SVOPL: variants seen among roughly 807,000 people sequenced by gnomAD.
The protein encoded by SVOPL is putative transporter SVOPL.
SVOPL carries 60 observed loss-of-function variants against 61.0 expected under a neutral mutation model. The observed-to-expected ratio is 0.98, with a 90% CI of 0.80 to 1.22. SVOPL has a LOEUF of 1.22. Ranked by LOEUF, SVOPL falls within the 50% of genes most tolerant of loss-of-function variation. The probability of loss-of-function intolerance (pLI) is 0.00; values close to 1 mark genes in which losing one functional copy is unlikely to be tolerated. For synonymous variants in SVOPL, 279 were observed against 250.0 expected, an observed-to-expected ratio of 1.12 and a Z score of -1.09; for missense variants, 662 against 643.9, an observed-to-expected ratio of 1.03 and a Z score of -0.30.
intron 14 of SVOPL, among the ~76,000 whole-genome samples, chr7:138,612,430 A>AAAAAAAAAAAAAAAAAAAG (rs1799085491): frequency 5.8e-5 from 1 of 17,378 alleles, no homozygotes; most frequent in African/African-American, 1.2e-4. Context: ...AAAATAAAAT[A>AAAAAAAAAAAAAAAAAAAG]AAAAATAAAA....
At chr7:138,629,718 C>T (rs938241969) in intron 10 of SVOPL, among the ~76,000 whole-genome samples, 1 of 152,152 alleles carries the variant, frequency 6.6e-6, no homozygotes, top group Non-Finnish European at 1.5e-5. Context: ...TGCCACTGGA[C>T]TCGATGATTG....
chr7:138,693,826 A>C (rs1055089041), intron 1 of SVOPL, among the ~76,000 whole-genome samples: 2 of 152,018 alleles, frequency 1.3e-5, no homozygotes, highest in African/African-American at 4.8e-5. Context: ...TCAACAAAAA[A>C]ATTTATAAAT....
At chr7:138,597,060 A>C (rs1319880627) in intron 14 of SVOPL, 2 of 1,159,204 alleles carry the variant, frequency 1.7e-6, no homozygotes, top group South Asian at 1.9e-5. Context: ...CTTTGGTGTC[A>C]ATTTTTCCAC....
intron 9 of SVOPL, among the ~76,000 whole-genome samples, chr7:138,639,122 G>A (rs976587119): frequency 2.2e-4 from 34 of 152,066 alleles, no homozygotes; most frequent in Non-Finnish European, 5.0e-4. Context: ...GGGCATGGTG[G>A]CATATGCCTG....
intron 1 of SVOPL, among the ~76,000 whole-genome samples, chr7:138,685,555 C>A (rs1024660279): frequency 2.6e-5 from 4 of 152,086 alleles, no homozygotes; most frequent in African/African-American, 9.7e-5. Flanking sequence ...TGGTATCATG[C>A]GCTTAAAATT....
At chr7:138,630,563 A>G (rs1230930240) in intron 9 of SVOPL, among the ~76,000 whole-genome samples, 2 of 152,184 alleles carry the variant, frequency 1.3e-5, no homozygotes, top group Non-Finnish European at 2.9e-5. Context: ...AAAGGAGAGA[A>G]CGCCTAATTT....
At chr7:138,693,577 A>G (rs200955182) in intron 1 of SVOPL, among the ~76,000 whole-genome samples, 61 of 76,078 alleles carry the variant, frequency 8.0e-4, no homozygotes, top group South Asian at 2.0e-3. Context: ...AAGAAAGAAA[A>G]AAGGAAAGAA....
At chr7:138,636,218 G>A (rs895520420) in intron 9 of SVOPL, among the ~76,000 whole-genome samples, 2 of 151,892 alleles carry the variant, frequency 1.3e-5, no homozygotes, top group African/African-American at 4.8e-5. Context: ...ATGAGCCACT[G>A]GGCCCGGCTG....
chr7:138,603,264 T>G (rs1445562777), intron 14 of SVOPL, among the ~76,000 whole-genome samples: 1 of 152,062 alleles, frequency 6.6e-6, no homozygotes, highest in Non-Finnish European at 1.5e-5. Context: ...TTTGGGGAGG[T>G]CTTGTGATTT....
intron 1 of SVOPL, chr7:138,689,329 T>C (rs184305976): frequency 1.3e-6 from 2 of 1,591,840 alleles, no homozygotes; most frequent in Non-Finnish European, 1.7e-6. Context: ...ATTGAGCATA[T>C]CCAAGTGAAC....
chr7:138,612,564 G>A (rs1252647755), intron 14 of SVOPL, among the ~76,000 whole-genome samples: 1 of 148,030 alleles, frequency 6.8e-6, no homozygotes, highest in Admixed American at 6.7e-5. Context: ...CGCCCAGGCT[G>A]GAGTATAGTG....
intron 1 of SVOPL, among the ~76,000 whole-genome samples, chr7:138,682,963 C>A: frequency 1.0e-5 from 1 of 97,078 alleles, no homozygotes; most frequent in Non-Finnish European, 1.9e-5. Flanking sequence ...AGCAAAACTC[C>A]ATCTCAAAAA....
At chr7:138,618,412 G>C (rs1395945604) in intron 14 of SVOPL, among the ~76,000 whole-genome samples, 1 of 151,936 alleles carries the variant, frequency 6.6e-6, no homozygotes, top group Non-Finnish European at 1.5e-5. Flanking sequence ...TGTAATCCCA[G>C]CACTTTGGGA....
At chr7:138,602,645 C>A (rs1435709367) in intron 14 of SVOPL, among the ~76,000 whole-genome samples, 1 of 152,064 alleles carries the variant, frequency 6.6e-6, no homozygotes, top group Non-Finnish European at 1.5e-5. Context: ...ATGAGAAAGC[C>A]TGAGTGCTCC....
At chr7:138,683,335 C>A (rs1173522535) in intron 1 of SVOPL, among the ~76,000 whole-genome samples, 3 of 151,878 alleles carry the variant, frequency 2.0e-5, no homozygotes, top group Non-Finnish European at 4.4e-5. Context: ...GTAGTATTTT[C>A]CAAAATAAAT....
chr7:138,679,931 G>C (rs1802662629), intron 1 of SVOPL, among the ~76,000 whole-genome samples: 1 of 152,098 alleles, frequency 6.6e-6, no homozygotes, highest in African/African-American at 2.4e-5. Flanking sequence ...GAAATGGAGA[G>C]ACTAAATGGC....
intron 9 of SVOPL, among the ~76,000 whole-genome samples, chr7:138,637,436 A>G (rs1398624454): frequency 3.2e-5 from 1 of 31,020 alleles, no homozygotes; most frequent in Non-Finnish European, 5.3e-5. Flanking sequence ...TCATATATAT[A>G]TATATAGATA....
chr7:138,660,688 C>G, intron 5 of SVOPL: 1 of 985,312 alleles, frequency 1.0e-6, no homozygotes, highest in Non-Finnish European at 1.2e-6. Flanking sequence ...CTTTAGCAAG[C>G]TAGATTTCTG....
intron 11 of SVOPL, among the ~76,000 whole-genome samples, chr7:138,627,787 TC>T (rs1400471210): frequency 6.6e-6 from 1 of 152,224 alleles, no homozygotes; most frequent in Non-Finnish European, 1.5e-5. Flanking sequence ...TGATTTTTTT[TC>T]ATCAGCTCAG....
Sources: gnomAD v4.1 joint callset for allele counts (sites outside exome capture counted in the v4.1 genomes callset) on GRCh38, gnomAD v4.1.1 for gene constraint, MANE v1.5 for transcripts, NCBI Gene and HGNC (gene_info 2026-07-23, HGNC 2026-07-21) for gene names.